The following ERAP1 variants were observed in gnomAD, a reference collection of about 807,000 sequenced individuals.
ERAP1 encodes the protein adipocyte-derived leucine aminopeptidase.
ERAP1 carries 86 observed loss-of-function variants against 103.7 expected under a neutral mutation model. That is an observed-to-expected ratio of 0.83 (90% CI 0.70 to 0.99). The LOEUF (loss-of-function observed/expected upper bound fraction) is 0.99, where lower values mean the gene tolerates loss of function less well. ERAP1 is among the 50% of genes least tolerant of loss of function. The probability of loss-of-function intolerance (pLI) is 0.00; values close to 1 mark genes in which losing one functional copy is unlikely to be tolerated. For synonymous variants in ERAP1, 398 were observed against 402.4 expected (o/e 0.99, Z 0.13); for missense variants, 1,009 against 1,128.4 (o/e 0.89, Z 1.52).
At chr5:96,900,638 A>T in the ERAP1 span, among the ~76,000 whole-genome samples, 2 of 152,160 alleles carry the variant, frequency 1.3e-5, no homozygotes, top group Non-Finnish European at 2.9e-5. Flanking sequence ...TTATTTAAAC[A>T]AAGAGTCATG....
chr5:96,783,779 C>T (rs1306450807), intron 14 of ERAP1, 145 bp downstream of exon 14: 3 of 848,600 alleles, frequency 3.5e-6, no homozygotes, highest in Non-Finnish European at 5.4e-6. Flanking sequence ...AAATACTGAA[C>T]TAATATTTAT....
the ERAP1 span, among the ~76,000 whole-genome samples, chr5:96,929,910 A>G: frequency 6.6e-6 from 1 of 152,144 alleles, no homozygotes; most frequent in Non-Finnish European, 1.5e-5. Context: ...AGTGTTTATA[A>G]CCTTTAGTGG....
At chr5:96,801,160 C>T (rs372569007) in intron 2 of ERAP1, among the ~76,000 whole-genome samples, 160 bp from the exon 3 acceptor site, 10 of 152,088 alleles carry the variant, frequency 6.6e-5, no homozygotes, top group Non-Finnish European at 1.0e-4. Context: ...AGTTAAAAGA[C>T]GAGTTACACT....
the ERAP1 span, among the ~76,000 whole-genome samples, chr5:96,932,512 C>T: frequency 6.6e-6 from 1 of 152,088 alleles, no homozygotes; most frequent in African/African-American, 2.4e-5. Flanking sequence ...TTGTCATTGA[C>T]CCCAATTTGC....
At chr5:96,810,002 A>C (rs905536963), upstream of ERAP1, among the ~76,000 whole-genome samples, 1 of 152,242 alleles carries the variant, frequency 6.6e-6, no homozygotes, top group Non-Finnish European at 1.5e-5. Context: ...GGAGACAAAC[A>C]GGGCAATGCC....
rs1314075221 is a variant in ERAP1 at position 96,800,937 on chromosome 5, T to C, written c.588A>G (p.Glu196=). 3.1e-6 allele frequency: 5 copies of C among 1,613,964 alleles called. No individual in the cohort carries two copies. In the South Asian group the frequency reaches 5.5e-5, roughly 18 times the overall value. The change falls in exon 3 of 19, where the codon GAA becomes GAG. Residue 196 remains glutamate, a synonymous_variant. Transcript: ENST00000443439. Reference sequence around the variant, plus strand: ...TTGAGAAACTTGCTTTGAAGGCAGGTTCATCAAAGCAGGGAAAGGCCATTC... The same window carrying C: ...TTGAGAAACTTGCTTTGAAGGCAGGCTCATCAAAGCAGGGAAAGGCCATTC... ...AARMAFPCFD[E]PAFKASFSIK... is the part of the protein sequence containing the mutation.
intron 1 of ERAP1, among the ~76,000 whole-genome samples, chr5:96,806,266 A>C (rs558970495): frequency 4.1e-4 from 62 of 152,234 alleles, no homozygotes; most frequent in African/African-American, 1.4e-3. Flanking sequence ...TTTTACTAAC[A>C]ATTTTCTGAA....
intron 18 of ERAP1, among the ~76,000 whole-genome samples, chr5:96,777,609 T>TTTAAG (rs1446429294): frequency 9.3e-6 from 1 of 107,028 alleles, no homozygotes; most frequent in Non-Finnish European, 2.0e-5. Flanking sequence ...CACTCTCTAC[T>TTTAAG]TTAAGTTGTA....
chr5:96,896,894 T>C, the ERAP1 span: 18 of 1,535,526 alleles, frequency 1.2e-5, no homozygotes, highest in African/African-American at 2.1e-4. Context: ...CGATAGACTG[T>C]TATTTAATCT....
the ERAP1 span, chr5:96,823,178 T>C: frequency 8.8e-6 from 4 of 455,118 alleles, no homozygotes; most frequent in African/African-American, 4.0e-5. Flanking sequence ...TACAATCTTA[T>C]GAAATACAGT....
At chr5:96,804,379 A>C in intron 1 of ERAP1, 3 of 271,064 alleles carry the variant, frequency 1.1e-5, no homozygotes, top group Middle Eastern at 1.3e-3. Flanking sequence ...ATCAAGCACC[A>C]CTCCCCACTG....
Position 96,775,524 on chromosome 5 carries a change from A to AT in ERAP1, c.*871_*872insA, listed in dbSNP as rs1561655524. The AT allele has an allele frequency of 1.6e-4, 150 of 941,606 alleles. No individual in the cohort carries two copies. The African/African-American group carries it at 3.3e-3, about 21-fold the overall frequency. The allele number at this position is 941,606 out of a possible 1,614,324, so 58.3% of individuals were successfully genotyped here. A position where few individuals can be genotyped will look rare whatever the true frequency, so the allele number is the denominator to read the frequency against. ...GAAGAGATACTGTACCAGTCAGGGA[A>AT]ATAGATGACACTCACTCAGAATTAT... On this transcript the variant is annotated 3_prime_UTR_variant, in exon 19 of 19. Coordinates refer to ENST00000443439, the MANE Select transcript of ERAP1 (RefSeq NM_001040458.3).
At chr5:96,909,328 A>G in the ERAP1 span, among the ~76,000 whole-genome samples, 3 of 152,180 alleles carry the variant, frequency 2.0e-5, no homozygotes, top group Non-Finnish European at 4.4e-5. Flanking sequence ...CATCTCTACT[A>G]AAGGTGATTT....
At chr5:96,834,395 G>C in the ERAP1 span, among the ~76,000 whole-genome samples, 1 of 152,072 alleles carries the variant, frequency 6.6e-6, no homozygotes, top group African/African-American at 2.4e-5. Context: ...TAATAACCCC[G>C]ACCATAAAGA....
intron 11 of ERAP1, 84 bp downstream of exon 11, chr5:96,788,447 G>A (rs1422709177): frequency 4.0e-6 from 6 of 1,497,928 alleles, no homozygotes; most frequent in Non-Finnish European, 5.5e-6. Flanking sequence ...ATAGTGGTAA[G>A]GGCATTATTT....
chr5:96,874,556 C>T, the ERAP1 span, among the ~76,000 whole-genome samples: 1 of 152,262 alleles, frequency 6.6e-6, no homozygotes, highest in Non-Finnish European at 1.5e-5. Context: ...TTCCCACTCA[C>T]TGGCTTCCAG....
At chr5:96,909,152 T>C in the ERAP1 span, 1 of 1,599,010 alleles carries the variant, frequency 6.3e-7, no homozygotes, top group Non-Finnish European at 8.6e-7. Flanking sequence ...ATTAAGTAAA[T>C]ACACAGTGTC....
Position 96,783,152 on chromosome 5 carries a change from C to T in ERAP1, c.2184G>A (p.Arg728=), listed in dbSNP as rs758333262. ...DEGSVSERML[R]SQLLLLACVH... ...CACAGGCGAGGAGTAGTAGTTGACT[C>T]CGCAGCATTCGCTCTGAGACTGAGC... Residue 728 remains arginine, a synonymous_variant, in exon 15 of 19, where the codon CGG becomes CGA. Transcript: ENST00000443439. 5.0e-6 allele frequency: 8 copies of T among 1,614,202 alleles called. No homozygotes were observed. The highest frequency in any genetic ancestry group is 6.8e-6 in the Non-Finnish European group (8 of 1,180,034).
the ERAP1 span, among the ~76,000 whole-genome samples, chr5:96,922,457 A>T: frequency 6.6e-6 from 1 of 152,218 alleles, no homozygotes; most frequent in African/African-American, 2.4e-5. Flanking sequence ...CTTGGGGCAC[A>T]TAAGACTGCT....
Sources: allele counts gnomAD v4.1 joint callset (sites outside exome capture counted in the v4.1 genomes callset), GRCh38; gene constraint gnomAD v4.1.1; transcripts MANE v1.5; gene names NCBI Gene and HGNC (gene_info 2026-07-23, HGNC 2026-07-21).